Variants in STPG2 observed in about 807,000 individuals in gnomAD.
STPG2 encodes the protein sperm tail PG-rich repeat containing 2, also known as sperm-tail PG-rich repeat-containing protein 2.
Under a neutral mutation model 54.2 loss-of-function variants are expected in STPG2, and 56 were observed. The observed-to-expected ratio is 1.03, with a 90% CI of 0.83 to 1.29. The LOEUF (loss-of-function observed/expected upper bound fraction) is 1.29, where lower values mean the gene tolerates loss of function less well. Among genes scored for constraint, STPG2 ranks in the 50% most tolerant of loss-of-function variants. The probability of loss-of-function intolerance (pLI) is 0.00; values close to 1 mark genes in which losing one functional copy is unlikely to be tolerated. For missense variants in STPG2, 596 were observed against 544.9 expected (o/e 1.09, Z -0.93); for synonymous variants, 200 against 181.8 (o/e 1.10, Z -0.81).
chr4:97,560,683 G>C (rs1732205182), intron 10 of STPG2, among the ~76,000 whole-genome samples: 1 of 152,034 alleles, frequency 6.6e-6, no homozygotes, highest in African/African-American at 2.4e-5. Flanking sequence ...CAATGAGAAA[G>C]CATGAATCCA....
chr4:97,826,452 T>C (rs1309963418), intron 9 of STPG2, among the ~76,000 whole-genome samples: 2 of 152,202 alleles, frequency 1.3e-5, no homozygotes, highest in Non-Finnish European at 2.9e-5. Flanking sequence ...AGGGGTATTA[T>C]TCAGTTCTTC....
At chr4:97,968,037 CA>C (rs1194729524) in intron 7 of STPG2, among the ~76,000 whole-genome samples, 1 of 151,602 alleles carries the variant, frequency 6.6e-6, no homozygotes, top group African/African-American at 2.4e-5. Flanking sequence ...GAGAGAGAAA[CA>C]AAAAAACCTT....
rs374078311 is a variant in STPG2 at position 97,828,273 on chromosome 4, G to A, written c.1204+12500C>T. Among the ~76,000 whole-genome samples the A allele has an allele frequency of 1.8e-4, 27 of 152,278 alleles. 1 individual carries two copies. The South Asian group carries it at 3.3e-3, about 19-fold the overall frequency. On this transcript the variant is annotated intron_variant, in intron 9 of 10. Transcript: ENST00000295268. The stretch of plus-strand genomic sequence containing the variant: ...CAGGCTGGGGCATCGCCTCACCCAG[G>A]AAGTGCAAGGGGTTGAGGAATTCTC...
At chr4:97,538,674 T>C (rs1731604430) in intron 4 of STPG2, among the ~76,000 whole-genome samples, 2 of 152,026 alleles carry the variant, frequency 1.3e-5, no homozygotes, top group South Asian at 2.1e-4. Flanking sequence ...AAAATTCAAA[T>C]TCAGGAAATA....
chr4:98,139,662 T>TTCTC (rs71588937), intron 1 of STPG2, among the ~76,000 whole-genome samples: 59,815 of 151,682 alleles, frequency 0.39, 11,978 homozygotes, highest in Middle Eastern at 0.46. Flanking sequence ...TATCAGCATA[T>TTCTC]TCTTAGTATT....
At chr4:97,791,770 AT>A (rs1560529663) in intron 9 of STPG2, among the ~76,000 whole-genome samples, 1 of 151,984 alleles carries the variant, frequency 6.6e-6, no homozygotes, top group Non-Finnish European at 1.5e-5. Flanking sequence ...ACAGGAGCCT[AT>A]TTTTTCTGCA....
intron 8 of STPG2, among the ~76,000 whole-genome samples, chr4:97,905,598 A>T (rs1249807034): frequency 6.6e-6 from 1 of 152,166 alleles, no homozygotes; most frequent in South Asian, 2.1e-4. Flanking sequence ...TCAAATTCAC[A>T]CATAACAATA....
At chr4:98,048,585 T>C in intron 5 of STPG2, 1 of 182,142 alleles carries the variant, frequency 5.5e-6, no homozygotes, top group Admixed American at 5.1e-5. Flanking sequence ...ACCTGCCATT[T>C]CCCTCAAGAA....
chr4:97,621,579 A>C (rs1042346837), intron 10 of STPG2, among the ~76,000 whole-genome samples: 2 of 152,168 alleles, frequency 1.3e-5, no homozygotes, highest in Admixed American at 1.3e-4. Flanking sequence ...CTAAACAAAA[A>C]AGAAACTGAA....
rs1162745249 is a variant in STPG2 at position 97,729,606 on chromosome 4, A to AT, written c.1205-16793dup. On this transcript the variant is annotated intron_variant, in intron 9 of 10. Coordinates refer to ENST00000295268, the MANE Select transcript of STPG2 (RefSeq NM_174952.3). ...TCTTTCCCCTATTACACAATCAGGA[A>AT]TTTGAAACTGTACAAGGTGAGTAAA... 6.6e-5 allele frequency among the ~76,000 whole-genome samples: 10 copies of AT among 152,290 alleles called. No homozygotes were observed. In the East Asian group the frequency reaches 1.9e-3, roughly 29 times the overall value.
chr4:97,993,522 A>T (rs1185959621), intron 5 of STPG2, among the ~76,000 whole-genome samples: 2 of 150,122 alleles, frequency 1.3e-5, no homozygotes, highest in Admixed American at 6.6e-5. Flanking sequence ...CATCAGGGAT[A>T]TTGGTCTTTA....
At chr4:97,799,447 T>A (rs1050768677) in intron 9 of STPG2, among the ~76,000 whole-genome samples, 50 of 152,210 alleles carry the variant, frequency 3.3e-4, no homozygotes, top group Non-Finnish European at 5.4e-4. Flanking sequence ...TATGAAACTT[T>A]GTTTGGCTGG....
intron 9 of STPG2, among the ~76,000 whole-genome samples, chr4:97,742,213 G>A (rs1490289782): frequency 2.0e-5 from 3 of 151,910 alleles, no homozygotes; most frequent in Non-Finnish European, 2.9e-5. Context: ...GGGGACTGTT[G>A]TGGGGTTGGG....
At chr4:97,670,340 A>T (rs985309528) in intron 10 of STPG2, among the ~76,000 whole-genome samples, 5 of 152,192 alleles carry the variant, frequency 3.3e-5, no homozygotes, top group African/African-American at 1.2e-4. Flanking sequence ...CAGTTCCAAA[A>T]AGATTCCATA....
chr4:97,863,162 G>GT (rs1729624347), intron 8 of STPG2, among the ~76,000 whole-genome samples: 1 of 152,096 alleles, frequency 6.6e-6, no homozygotes, highest in African/African-American at 2.4e-5. Flanking sequence ...CCAGGAGCCA[G>GT]TTTTTTGAAA....
intron 7 of STPG2, among the ~76,000 whole-genome samples, chr4:97,964,406 G>A (rs1185449934): frequency 6.6e-6 from 1 of 152,092 alleles, no homozygotes; most frequent in Non-Finnish European, 1.5e-5. Flanking sequence ...TCCTTAAAAA[G>A]GAGGTGCAAG....
intron 5 of STPG2, among the ~76,000 whole-genome samples, chr4:98,057,022 T>C (rs1737506047): frequency 6.6e-6 from 1 of 152,176 alleles, no homozygotes; most frequent in South Asian, 2.1e-4. Context: ...CAGGTAGTTC[T>C]TTACAGCAGT....
At chr4:97,628,529 T>C (rs1721122721) in intron 10 of STPG2, among the ~76,000 whole-genome samples, 1 of 152,176 alleles carries the variant, frequency 6.6e-6, no homozygotes, top group Non-Finnish European at 1.5e-5. Context: ...AAAATCATAA[T>C]ACTCTAATAT....
chr4:97,747,740 G>A (rs540117434), intron 9 of STPG2, among the ~76,000 whole-genome samples: 2 of 151,418 alleles, frequency 1.3e-5, no homozygotes, highest in East Asian at 1.9e-4. Context: ...TTTTTACATG[G>A]AAATTTACTG....
Sources: allele counts gnomAD v4.1 joint callset (sites outside exome capture counted in the v4.1 genomes callset), GRCh38; gene constraint gnomAD v4.1.1; transcripts MANE v1.5; gene names NCBI Gene and HGNC (gene_info 2026-07-23, HGNC 2026-07-21).